The following AFG1L variants were observed in gnomAD, a reference collection of about 807,000 sequenced individuals.
AFG1L encodes the protein AFG1 like ATPase, also known as AFG1-like ATPase.
In AFG1L, 53 loss-of-function variants were observed where a neutral mutation model predicts 62.2. The observed-to-expected ratio is 0.85, with a 90% CI of 0.68 to 1.07. AFG1L has a LOEUF of 1.07. Among genes scored for constraint, AFG1L ranks in the 50% least tolerant of loss-of-function variants. The pLI is 0.00. For missense variants in AFG1L, 555 were observed against 590.5 expected (o/e 0.94, Z 0.62); for synonymous variants, 228 against 210.3 (o/e 1.08, Z -0.73).
intron 1 of AFG1L, among the ~76,000 whole-genome samples, chr6:108,297,787 C>T (rs904954342): frequency 2.1e-5 from 3 of 145,456 alleles, no homozygotes; most frequent in East Asian, 2.0e-4. Context: ...CCCAGGAAGT[C>T]GAGGCTGCAG....
chr6:108,324,866 T>C (rs1276930202), intron 2 of AFG1L, among the ~76,000 whole-genome samples: 3 of 152,108 alleles, frequency 2.0e-5, no homozygotes, highest in Non-Finnish European at 4.4e-5. Flanking sequence ...CTAATTTTTG[T>C]ATTTTTAGTA....
intron 8 of AFG1L, among the ~76,000 whole-genome samples, chr6:108,471,706 G>A (rs908971546): frequency 1.3e-5 from 2 of 151,860 alleles, no homozygotes; most frequent in African/African-American, 4.8e-5. Context: ...TGATCCGCCC[G>A]CCTCGGCCTC....
chr6:108,355,790 T>A, intron 4 of AFG1L, 35 bp downstream of exon 4: 1 of 1,380,874 alleles, frequency 7.2e-7, no homozygotes, highest in Non-Finnish European at 1.0e-6. Flanking sequence ...ATTTTTTCAG[T>A]GGGGAAACGC....
intron 8 of AFG1L, among the ~76,000 whole-genome samples, chr6:108,450,568 T>C (rs1772009817): frequency 6.6e-6 from 1 of 152,212 alleles, no homozygotes; most frequent in African/African-American, 2.4e-5. Flanking sequence ...ACTCTGATGG[T>C]AGTTTCTTTT....
intron 8 of AFG1L, among the ~76,000 whole-genome samples, chr6:108,458,289 T>C (rs1346706234): frequency 6.6e-6 from 1 of 152,122 alleles, no homozygotes; most frequent in Non-Finnish European, 1.5e-5. Context: ...ATATTAGACC[T>C]CTTTATATTA....
chr6:108,509,002 C>A (rs1255986737), intron 10 of AFG1L, among the ~76,000 whole-genome samples: 1 of 152,146 alleles, frequency 6.6e-6, no homozygotes, highest in Non-Finnish European at 1.5e-5. Flanking sequence ...GCTCCTGGGC[C>A]ACTCAGTCTC....
intron 8 of AFG1L, among the ~76,000 whole-genome samples, chr6:108,451,300 C>T (rs1213343083): frequency 1.3e-5 from 2 of 152,132 alleles, no homozygotes; most frequent in Admixed American, 6.5e-5. Flanking sequence ...GATTTCCCAA[C>T]ACCAATTAAG....
intron 10 of AFG1L, among the ~76,000 whole-genome samples, chr6:108,482,391 G>T (rs1303418109): frequency 1.3e-5 from 2 of 151,778 alleles, no homozygotes; most frequent in Non-Finnish European, 2.9e-5. Context: ...AACAGTTTTG[G>T]GCTTATGGAA....
intron 6 of AFG1L, among the ~76,000 whole-genome samples, chr6:108,398,899 A>AT (rs1219573950): frequency 6.6e-6 from 1 of 151,878 alleles, no homozygotes; most frequent in Non-Finnish European, 1.5e-5. Flanking sequence ...CAGTTTTGTT[A>AT]TTTTTACTCA....
At chr6:108,444,472 C>T (rs1402266764) in intron 7 of AFG1L, among the ~76,000 whole-genome samples, 1 of 152,068 alleles carries the variant, frequency 6.6e-6, no homozygotes, top group East Asian at 1.9e-4. Context: ...ATTGACTCTT[C>T]CTTTCACAAA....
chr6:108,360,699 C>T (rs1461895758), intron 5 of AFG1L, among the ~76,000 whole-genome samples: 1 of 152,100 alleles, frequency 6.6e-6, no homozygotes, highest in East Asian at 1.9e-4. Context: ...GAGTGTGCCC[C>T]CTAAGGGAAG....
At chr6:108,372,109 A>G (rs560210298) in intron 6 of AFG1L, among the ~76,000 whole-genome samples, 15 of 150,940 alleles carry the variant, frequency 9.9e-5, no homozygotes, top group African/African-American at 2.2e-4. Context: ...TTATGTATGT[A>G]TATATATATA....
chr6:108,485,747 T>C (rs1329436202), intron 10 of AFG1L, among the ~76,000 whole-genome samples: 4 of 136,172 alleles, frequency 2.9e-5, no homozygotes, highest in Non-Finnish European at 6.1e-5. Context: ...CACTGCTCAC[T>C]GCAACCTCAG....
rs180914382 is a variant in AFG1L at position 108,295,365 on chromosome 6, C to T, written c.139+147C>T. On this transcript the variant is annotated intron_variant, in intron 1 of 12. Transcript: ENST00000368977. ...CGAGAGGAGTTTCCATTTCTCTTGA[C>T]CTTTTATACTGTCTGTGAATGAGCC... 7.0e-6 allele frequency: 6 copies of T among 855,304 alleles called. No homozygotes were observed. In the South Asian group the frequency reaches 8.8e-5, roughly 13 times the overall value. The allele number at this position is 855,304 out of a possible 1,614,324, so 53.0% of individuals were successfully genotyped here. A position where few individuals can be genotyped will look rare whatever the true frequency, so the allele number is the denominator to read the frequency against.
At chr6:108,378,033 CTTT>C (rs1312888746) in intron 6 of AFG1L, among the ~76,000 whole-genome samples, 3 of 134,446 alleles carry the variant, frequency 2.2e-5, no homozygotes, top group South Asian at 2.4e-4. Context: ...AAAAATTCTT[CTTT>C]TTTTTTTTTT....
At chr6:108,389,445 G>A (rs1021511111) in intron 6 of AFG1L, among the ~76,000 whole-genome samples, 8 of 152,094 alleles carry the variant, frequency 5.3e-5, no homozygotes, top group East Asian at 1.9e-4. Flanking sequence ...TATTTTGCTC[G>A]TTAGTGGATG....
At position 108,337,453 on chromosome 6, in the gene AFG1L, G is replaced by A. The variant is rs1009852290; in HGVS notation, c.364-9535G>A. 7.2e-5 allele frequency among the ~76,000 whole-genome samples: 11 copies of A among 152,182 alleles called. No individual in the cohort carries two copies. The East Asian group carries it at 1.7e-3, about 24-fold the overall frequency. ...TGTGCTTTGTCCCCCCTTCTATTCCGTGAGTTCCTTGGAAACAAGGATTGT... is the reference window on the plus strand; with the variant it reads ...TGTGCTTTGTCCCCCCTTCTATTCCATGAGTTCCTTGGAAACAAGGATTGT... On this transcript the variant is annotated intron_variant, in intron 2 of 12. Coordinates refer to ENST00000368977, the MANE Select transcript of AFG1L (RefSeq NM_145315.5).
rs1458714472 is a variant in AFG1L at position 108,524,321 on chromosome 6, G to A, written c.*1896G>A. On this transcript the variant is annotated 3_prime_UTR_variant, in exon 13 of 13. Transcript: ENST00000368977. ...AATTTTTAAAAAAATCATGTGAATG[G>A]ACAGACAGATAGATGGACAGTATGA... 1 of 152,098 alleles carries A rather than the reference G, an allele frequency of 6.6e-6. No homozygotes were observed. The highest frequency in any genetic ancestry group is 1.5e-5 in the Non-Finnish European group (1 of 68,030). The allele number at this position is 152,098 out of a possible 1,614,324, so 9.4% of individuals were successfully genotyped here.
chr6:108,467,280 T>C (rs1418410412), intron 8 of AFG1L, among the ~76,000 whole-genome samples: 1 of 151,150 alleles, frequency 6.6e-6, no homozygotes, highest in African/African-American at 2.4e-5. Context: ...GGAGTTTCGC[T>C]CTTATTGCCA....
Sources: allele counts gnomAD v4.1 joint callset (sites outside exome capture counted in the v4.1 genomes callset), GRCh38; gene constraint gnomAD v4.1.1; transcripts MANE v1.5; gene names NCBI Gene and HGNC (gene_info 2026-07-23, HGNC 2026-07-21).